SCUBE1: variants seen among roughly 807,000 people sequenced by gnomAD.
SCUBE1 encodes signal peptide, CUB domain and EGF like domain containing 1.
Under a neutral mutation model 124.4 loss-of-function variants are expected in SCUBE1, and 59 were observed. The observed-to-expected ratio is 0.47, with a 90% CI of 0.38 to 0.59. The LOEUF is 0.59. Ranked by LOEUF, SCUBE1 falls within the 20% of genes least tolerant of loss-of-function variation. The probability of loss-of-function intolerance (pLI) is 0.00; values close to 1 mark genes in which losing one functional copy is unlikely to be tolerated. For missense variants in SCUBE1, 1,150 were observed against 1,371.2 expected (o/e 0.84, Z 2.55); for synonymous variants, 545 against 550.9 (o/e 0.99, Z 0.15).
Position 43,238,947 on chromosome 22 carries a change from G to A in SCUBE1, c.735C>T (p.Cys245=), listed in dbSNP as rs199649316. The change falls in exon 7 of 22, where the codon TGC becomes TGT. Residue 245 remains cysteine (C), a synonymous_variant. Coordinates refer to ENST00000360835, the MANE Select transcript of SCUBE1 (RefSeq NM_173050.5). The stretch of plus-strand genomic sequence containing the variant: ...GGTCGCAGCCTCCGTTATTGACTGC[G>A]CACGTCTCTGGGGAGGGAAAGAGAC... The part of the protein sequence containing the change: ...HSDGRTCIET[C]AVNNGGCDRT... The A allele has an allele frequency of 4.9e-5, 79 of 1,611,234 alleles. No individual in the cohort carries two copies. Among genetic ancestry groups the A allele is most frequent in the East Asian group, 4.0e-4 (18 of 44,832 alleles).
At chr22:43,238,557 G>A (rs1922863371) in intron 7 of SCUBE1, 4 of 600,704 alleles carry the variant, frequency 6.7e-6, no homozygotes, top group Non-Finnish European at 1.2e-5. Context: ...TTAACCCAGC[G>A]TGCAGCCAAA....
Position 43,334,554 on chromosome 22 carries a change from CATCA to C in SCUBE1, c.220+4546_220+4549del, listed in dbSNP as rs373104704. Among the ~76,000 whole-genome samples the C allele has an allele frequency of 2.4e-3, 362 of 152,212 alleles. 2 individuals are homozygous for C. Among genetic ancestry groups the C allele is most frequent in the African/African-American group, 8.4e-3 (350 of 41,504 alleles). The stretch of plus-strand genomic sequence containing the variant: ...TCATCATCTTCTTCAGCACCATCAT[CATCA>C]ATATCACCATCATCATCACCCTCAT... On this transcript the variant is annotated intron_variant, in intron 2 of 21. Transcript: ENST00000360835.
At chr22:43,272,877 G>A (rs1456238662) in intron 4 of SCUBE1, among the ~76,000 whole-genome samples, 2 of 152,224 alleles carry the variant, frequency 1.3e-5, no homozygotes, top group Non-Finnish European at 2.9e-5. Flanking sequence ...TGAAGCCCAC[G>A]AGACAGTGAC....
At chr22:43,342,418 C>T (rs1038941063) in intron 1 of SCUBE1, among the ~76,000 whole-genome samples, 1 of 152,096 alleles carries the variant, frequency 6.6e-6, no homozygotes, top group Admixed American at 6.5e-5. Context: ...TGTCTTTCCT[C>T]CCCGTCCTGT....
At position 43,211,949 on chromosome 22, in the gene SCUBE1, C is replaced by T. The variant is rs548522444; in HGVS notation, c.2221+476G>A. ...GACAGACAGACACTGAGAGGGAGCA[C>T]GGTGGGGAAGCAGGGTCAGCAGCTG... On this transcript the variant is annotated intron_variant, in intron 17 of 21. Coordinates refer to ENST00000360835, the MANE Select transcript of SCUBE1 (RefSeq NM_173050.5). The surrounding 1 kb of genome is among the most constrained non-coding windows in gnomAD (Gnocchi z 4.5). 3.2e-4 allele frequency among the ~76,000 whole-genome samples: 49 copies of T among 152,166 alleles called. No homozygotes were observed. Among genetic ancestry groups the T allele is most frequent in the African/African-American group, 1.0e-3 (42 of 41,502 alleles).
chr22:43,311,007 G>C (rs1054820577), intron 3 of SCUBE1, among the ~76,000 whole-genome samples: 2 of 151,970 alleles, frequency 1.3e-5, no homozygotes, highest in Admixed American at 6.6e-5. Flanking sequence ...TCAAACTCCT[G>C]GGCTCAAGTG....
At chr22:43,333,777 C>A (rs1391040728) in intron 2 of SCUBE1, among the ~76,000 whole-genome samples, 2 of 152,232 alleles carry the variant, frequency 1.3e-5, no homozygotes, top group African/African-American at 4.8e-5. Flanking sequence ...CCTCTATCAA[C>A]TGTGTAACCT....
intron 2 of SCUBE1, among the ~76,000 whole-genome samples, chr22:43,334,730 C>T (rs772551959): frequency 2.6e-5 from 4 of 152,080 alleles, no homozygotes; most frequent in Non-Finnish European, 5.9e-5. Context: ...TCAATAGCAC[C>T]GTCATCATCA....
At chr22:43,218,541 A>G in intron 14 of SCUBE1, 83 bp from the exon 15 acceptor site, 1 of 1,471,766 alleles carries the variant, frequency 6.8e-7, no homozygotes. Flanking sequence ...CCCCCGTGCC[A>G]GGCCCTGCAC....
At position 43,203,284 on chromosome 22, in the gene SCUBE1, A is replaced by G. The variant is rs1357851148; in HGVS notation, c.*713T>C. 1 of 151,916 alleles carries G rather than the reference A, an allele frequency of 6.6e-6. No homozygotes were observed. The highest frequency in any genetic ancestry group is 2.4e-5 in the African/African-American group (1 of 41,350). 9.4% of individuals were successfully genotyped at this position (151,916 alleles called of 1,614,324 possible). A position where few individuals can be genotyped will look rare whatever the true frequency, so the allele number is the denominator to read the frequency against. The stretch of plus-strand genomic sequence containing the variant: ...ATAGCTGCTGGGACTCACTGGGCTC[A>G]TGCGGGAAGGGATGGGGTCACAATT... On this transcript the variant is annotated 3_prime_UTR_variant, in exon 22 of 22. Coordinates refer to ENST00000360835, the MANE Select transcript of SCUBE1 (RefSeq NM_173050.5).
intron 19 of SCUBE1, among the ~76,000 whole-genome samples, chr22:43,209,482 A>G (rs1186593977): frequency 6.6e-6 from 1 of 152,202 alleles, no homozygotes; most frequent in African/African-American, 2.4e-5. Flanking sequence ...TGCTGAGTCC[A>G]GTCCTCTCTC....
intron 4 of SCUBE1, among the ~76,000 whole-genome samples, chr22:43,284,523 T>A (rs1289351791): frequency 6.6e-6 from 1 of 152,240 alleles, no homozygotes; most frequent in African/African-American, 2.4e-5. Flanking sequence ...CCATTGCTGC[T>A]GTCTTCACTA....
At chr22:43,285,585 T>C (rs1350096148) in intron 4 of SCUBE1, among the ~76,000 whole-genome samples, 1 of 152,048 alleles carries the variant, frequency 6.6e-6, no homozygotes, top group Non-Finnish European at 1.5e-5. Flanking sequence ...GCCCAACAGT[T>C]TTCCCTGAGG....
At chr22:43,241,398 C>A (rs139022) in intron 6 of SCUBE1, among the ~76,000 whole-genome samples, 1 of 152,046 alleles carries the variant, frequency 6.6e-6, no homozygotes, top group South Asian at 2.1e-4. Flanking sequence ...GGATCCGGTA[C>A]GGAGCATCAG....
At position 43,198,600 on chromosome 22, in the gene SCUBE1, AATG is replaced by A; in HGVS notation, c.*5394_*5396del. The A allele has an allele frequency of 2.2e-6, 1 of 456,752 alleles. No homozygotes were observed. The highest frequency in any genetic ancestry group is 4.4e-6 in the Non-Finnish European group (1 of 226,984). The allele number at this position is 456,752 out of a possible 1,614,324, so 28.3% of individuals were successfully genotyped here. A position where few individuals can be genotyped will look rare whatever the true frequency, so the allele number is the denominator to read the frequency against. On this transcript the variant is annotated 3_prime_UTR_variant, in exon 22 of 22. Coordinates refer to ENST00000360835, the MANE Select transcript of SCUBE1 (RefSeq NM_173050.5). ...CATTACATCCTCTGCCCTTGGCCTG[AATG>A]ATGTCGGCTCGGCATGGACACCTTG...
At chr22:43,341,467 AG>A (rs1231870429) in intron 1 of SCUBE1, among the ~76,000 whole-genome samples, 1 of 152,146 alleles carries the variant, frequency 6.6e-6, no homozygotes, top group Non-Finnish European at 1.5e-5. Flanking sequence ...CCCACTTCCC[AG>A]GGGCCAGTAT....
chr22:43,281,526 GTCACCTCCCTCA>G lies in SCUBE1; in HGVS notation c.484+9508_484+9519del, dbSNP rs1331840392. On this transcript the variant is annotated intron_variant, in intron 4 of 21. Transcript: ENST00000360835. ...TCACCTCCTCCTCAGCCACCCTCCT[GTCACCTCCCTCA>G]GTCACCCTCCTGTCACCTCCCCCTC... is the stretch of plus-strand genomic sequence containing the variant. Among the ~76,000 whole-genome samples, 254 of 68,566 alleles carry G rather than the reference GTCACCTCCCTCA, an allele frequency of 3.7e-3. 11 individuals are homozygous for G. Among genetic ancestry groups the G allele is most frequent in the Admixed American group, 7.4e-3 (40 of 5,424 alleles). The allele number at this position is 68,566 out of a possible 152,430, so 45.0% of individuals were successfully genotyped here.
intron 3 of SCUBE1, among the ~76,000 whole-genome samples, chr22:43,299,229 G>A (rs1327008433): frequency 6.6e-6 from 1 of 152,246 alleles, no homozygotes; most frequent in African/African-American, 2.4e-5. Context: ...TCTGCACAGC[G>A]CCTGGCACAC....
At chr22:43,338,789 C>T (rs547539146) in intron 2 of SCUBE1, among the ~76,000 whole-genome samples, 2 of 152,194 alleles carry the variant, frequency 1.3e-5, no homozygotes, top group Non-Finnish European at 2.9e-5. Flanking sequence ...CTGCCTGCCT[C>T]GGTCTCCCAA....
Sources: gnomAD v4.1 joint callset for allele counts (sites outside exome capture counted in the v4.1 genomes callset) on GRCh38, gnomAD v4.1.1 for gene constraint, Gnocchi (gnomAD v3.1) non-coding constraint, MANE v1.5 for transcripts, NCBI Gene and HGNC (gene_info 2026-07-23, HGNC 2026-07-21) for gene names.